Variants in ARHGEF3 observed in about 807,000 individuals in gnomAD.
The protein encoded by ARHGEF3 is 59.8 kDA protein.
In ARHGEF3, 28 loss-of-function variants were observed where a neutral mutation model predicts 63.2. That is an observed-to-expected ratio of 0.44 (90% confidence interval 0.33 to 0.61). ARHGEF3 has a LOEUF of 0.61. ARHGEF3 is among the 20% of genes least tolerant of loss of function. The probability of loss-of-function intolerance (pLI) is 0.03; values close to 1 mark genes in which losing one functional copy is unlikely to be tolerated. For missense variants in ARHGEF3, 533 were observed against 659.3 expected, an observed-to-expected ratio of 0.81 and a Z score of 2.10; for synonymous variants, 266 against 254.2, an observed-to-expected ratio of 1.05 and a Z score of -0.44.
chr3:57,034,998 T>C, intron 2 of ARHGEF3: 3 of 1,112,478 alleles, frequency 2.7e-6, no homozygotes, highest in East Asian at 2.6e-5. Flanking sequence ...CTGACTTATG[T>C]AGGCTTAAAG....
At chr3:57,015,247 C>A (rs1332212656) in intron 2 of ARHGEF3, among the ~76,000 whole-genome samples, 1 of 152,148 alleles carries the variant, frequency 6.6e-6, no homozygotes, top group Non-Finnish European at 1.5e-5. Flanking sequence ...CGTTTCTAAT[C>A]TGACCTAGAG....
chr3:56,893,263 G>A (rs1482594750), intron 3 of ARHGEF3, among the ~76,000 whole-genome samples: 1 of 152,024 alleles, frequency 6.6e-6, no homozygotes, highest in East Asian at 1.9e-4. Flanking sequence ...CTGCAGCCTC[G>A]AACTCCTGAG....
chr3:56,894,629 C>CT (rs1433900215), intron 3 of ARHGEF3, among the ~76,000 whole-genome samples: 82 of 151,850 alleles, frequency 5.4e-4, no homozygotes, highest in African/African-American at 1.8e-3. Flanking sequence ...ATCTCTTTCT[C>CT]TCTTTTTTAA....
At chr3:57,053,124 G>A (rs1040276446) in intron 1 of ARHGEF3, among the ~76,000 whole-genome samples, 5 of 152,192 alleles carry the variant, frequency 3.3e-5, no homozygotes, top group African/African-American at 4.8e-5. Flanking sequence ...TCCAAGGAGT[G>A]CAAATTCTGG....
chr3:56,976,124 C>G (rs1701117004), intron 2 of ARHGEF3, among the ~76,000 whole-genome samples: 1 of 152,148 alleles, frequency 6.6e-6, no homozygotes, highest in Admixed American at 6.5e-5. Flanking sequence ...TCACTGCAAC[C>G]TCCACCTCCT....
At chr3:57,071,390 G>A (rs1402071588) in intron 1 of ARHGEF3, among the ~76,000 whole-genome samples, 1 of 152,100 alleles carries the variant, frequency 6.6e-6, no homozygotes, top group African/African-American at 2.4e-5. Context: ...GGCTGGGCGT[G>A]GTGGCTCATG....
At chr3:56,970,684 T>C (rs944630786) in intron 2 of ARHGEF3, among the ~76,000 whole-genome samples, 5 of 152,238 alleles carry the variant, frequency 3.3e-5, no homozygotes, top group African/African-American at 1.2e-4. Flanking sequence ...CCTTCTGTAT[T>C]TTAGCTTCCT....
chr3:56,930,731 C>T lies in ARHGEF3; in HGVS notation c.129+28092G>A, dbSNP rs138170964. Among the ~76,000 whole-genome samples, 1,144 of 152,196 alleles carry T rather than the reference C, an allele frequency of 7.5e-3. 17 individuals are homozygous for T. The highest frequency in any genetic ancestry group is 0.026 in the African/African-American group (1,096 of 41,502). On this transcript the variant is annotated intron_variant, in intron 3 of 12. Transcript: ENST00000338458. ...GAACTTTAGTCTTTAAACCAAAACC[C>T]TAAAATATATTTTTTAAATGCATGT...
intron 2 of ARHGEF3, among the ~76,000 whole-genome samples, chr3:57,013,267 C>G (rs907212396): frequency 1.3e-5 from 2 of 152,208 alleles, no homozygotes; most frequent in Non-Finnish European, 2.9e-5. Context: ...CGGTGTGGGA[C>G]TGGTAGGCAG....
intron 4 of ARHGEF3, among the ~76,000 whole-genome samples, chr3:56,850,206 T>C (rs773633379): frequency 2.6e-5 from 4 of 152,168 alleles, no homozygotes; most frequent in Non-Finnish European, 5.9e-5. Flanking sequence ...TCTGATGAAA[T>C]AGTTACATAC....
intron 4 of ARHGEF3, among the ~76,000 whole-genome samples, chr3:56,820,755 T>A (rs1001972484): frequency 9.2e-5 from 14 of 152,236 alleles, no homozygotes. Flanking sequence ...TATCACCAAA[T>A]GTGCAGTCTG....
chr3:56,849,294 T>G (rs1189513624), intron 4 of ARHGEF3, among the ~76,000 whole-genome samples: 1 of 152,196 alleles, frequency 6.6e-6, no homozygotes, highest in Non-Finnish European at 1.5e-5. Context: ...AAATTCTGAT[T>G]TATTTAAAAT....
At chr3:56,878,923 G>A (rs1213395370) in intron 4 of ARHGEF3, among the ~76,000 whole-genome samples, 1 of 152,210 alleles carries the variant, frequency 6.6e-6, no homozygotes. Context: ...TCCACCTCCT[G>A]TCAGATCAGC....
At chr3:56,974,234 A>T (rs1476949806) in intron 2 of ARHGEF3, among the ~76,000 whole-genome samples, 1 of 152,196 alleles carries the variant, frequency 6.6e-6, no homozygotes, top group African/African-American at 2.4e-5. Context: ...CAAATGGTAC[A>T]GGCCAATGGG....
At position 56,727,502 on chromosome 3, in the gene ARHGEF3, T is replaced by G. The variant is rs2032811095; in HGVS notation, c.*1768A>C. On this transcript the variant is annotated 3_prime_UTR_variant, in exon 10 of 10. Coordinates refer to ENST00000296315, the MANE Select transcript of ARHGEF3 (RefSeq NM_019555.3). ...AAAAACATTCATTTCATCAAAACAT[T>G]CATTGACCACCTTCCCATAGGCCAA... 6.6e-6 allele frequency: 1 copy of G among 152,642 alleles called. No individual in the cohort carries two copies. Among genetic ancestry groups the G allele is most frequent in the Non-Finnish European group, 1.5e-5 (1 of 68,026 alleles). 9.5% of individuals were successfully genotyped at this position (152,642 alleles called of 1,614,324 possible).
At chr3:56,979,106 A>G (rs13069086) in intron 2 of ARHGEF3, among the ~76,000 whole-genome samples, 21,359 of 152,250 alleles carry the variant, frequency 0.14, 1,858 homozygotes, top group Non-Finnish European at 0.19. Context: ...GTGAACTATG[A>G]TTGCACCATT....
At chr3:56,771,664 T>C (rs1218607911) in intron 2 of ARHGEF3, among the ~76,000 whole-genome samples, 1 of 152,150 alleles carries the variant, frequency 6.6e-6, no homozygotes, top group Non-Finnish European at 1.5e-5. Flanking sequence ...ATCTGGAACA[T>C]AGCAATATGA....
At chr3:56,944,577 T>G (rs1412565217) in intron 3 of ARHGEF3, among the ~76,000 whole-genome samples, 1 of 143,572 alleles carries the variant, frequency 7.0e-6, no homozygotes, top group Non-Finnish European at 1.5e-5. Context: ...TCTTTTTTTT[T>G]TTTTTTTTTT....
chr3:56,778,269 A>G (rs1294455219), intron 1 of ARHGEF3, among the ~76,000 whole-genome samples: 3 of 152,230 alleles, frequency 2.0e-5, no homozygotes, highest in African/African-American at 7.2e-5. Flanking sequence ...TTAAAGATGG[A>G]GAAACTAAGG....
Sources: gnomAD v4.1 joint callset for allele counts (sites outside exome capture counted in the v4.1 genomes callset) on GRCh38, gnomAD v4.1.1 for gene constraint, MANE v1.5 for transcripts, NCBI Gene and HGNC (gene_info 2026-07-23, HGNC 2026-07-21) for gene names.